CDH10: variants seen among roughly 807,000 people sequenced by gnomAD.
CDH10 encodes the protein cadherin-10.
CDH10 carries 30 observed loss-of-function variants against 73.1 expected under a neutral mutation model. The observed-to-expected ratio is 0.41, with a 90% CI of 0.31 to 0.56. The LOEUF (loss-of-function observed/expected upper bound fraction) is 0.56, where lower values mean the gene tolerates loss of function less well. Ranked by LOEUF, CDH10 falls within the 20% of genes least tolerant of loss-of-function variation. CDH10 has a pLI of 0.27. For synonymous variants in CDH10, 345 were observed against 348.2 expected (o/e 0.99, Z 0.10); for missense variants, 815 against 973.7 (o/e 0.84, Z 2.17).
At chr5:24,605,923 A>G (rs1234932483) in intron 1 of CDH10, among the ~76,000 whole-genome samples, 1 of 152,340 alleles carries the variant, frequency 6.6e-6, no homozygotes, top group Non-Finnish European at 1.5e-5. Flanking sequence ...CAATTGACAC[A>G]CGGATGAATC....
chr5:24,571,844 C>G (rs1225973214), intron 2 of CDH10, among the ~76,000 whole-genome samples: 2 of 152,004 alleles, frequency 1.3e-5, no homozygotes, highest in Non-Finnish European at 2.9e-5. Context: ...AAAACTACCC[C>G]CATGACCTCA....
At chr5:24,638,720 T>C (rs1454959180) in intron 1 of CDH10, among the ~76,000 whole-genome samples, 1 of 151,804 alleles carries the variant, frequency 6.6e-6, no homozygotes, top group African/African-American at 2.4e-5. Flanking sequence ...AGAGCAGGAC[T>C]AACCCCCAAC....
Position 24,500,142 on chromosome 5 carries a change from G to A in CDH10, c.1394-1623C>T, listed in dbSNP as rs963320860. Among the ~76,000 whole-genome samples, 8 of 151,990 alleles carry A rather than the reference G, an allele frequency of 5.3e-5. No individual in the cohort carries two copies. In the East Asian group the frequency reaches 9.7e-4, roughly 18 times the overall value. On this transcript the variant is annotated intron_variant, in intron 8 of 11. Transcript: ENST00000264463. ...ATCTAAATAATTTTCAGATACAAAG[G>A]TAAAATATATTGTCACATACAAATA...
At chr5:24,589,490 AT>A (rs34964738) in intron 2 of CDH10, among the ~76,000 whole-genome samples, 352 of 145,512 alleles carry the variant, frequency 2.4e-3, no homozygotes, top group East Asian at 7.4e-3. Flanking sequence ...TATGTTACTG[AT>A]TTTTTTTTTT....
intron 2 of CDH10, among the ~76,000 whole-genome samples, chr5:24,558,947 C>T (rs1744862602): frequency 1.3e-5 from 2 of 151,686 alleles, no homozygotes; most frequent in East Asian, 1.9e-4. Flanking sequence ...TTCAGCATTC[C>T]CCTTTCATTT....
At chr5:24,527,789 G>C (rs1295081182) in intron 5 of CDH10, among the ~76,000 whole-genome samples, 1 of 151,762 alleles carries the variant, frequency 6.6e-6, no homozygotes, top group Non-Finnish European at 1.5e-5. Flanking sequence ...AGTTACAAAA[G>C]CAAGCAAGAA....
intron 9 of CDH10, among the ~76,000 whole-genome samples, chr5:24,497,946 C>T (rs1281274358): frequency 6.6e-6 from 1 of 152,116 alleles, no homozygotes; most frequent in African/African-American, 2.4e-5. Flanking sequence ...ATTCTGCTGC[C>T]CTGATGCAAA....
At chr5:24,501,270 A>T (rs1742484393) in intron 8 of CDH10, among the ~76,000 whole-genome samples, 1 of 152,208 alleles carries the variant, frequency 6.6e-6, no homozygotes, top group Non-Finnish European at 1.5e-5. Context: ...TCCCTAACAC[A>T]ATATAGAGAT....
intron 1 of CDH10, among the ~76,000 whole-genome samples, chr5:24,632,186 G>A (rs1747724160): frequency 6.6e-6 from 1 of 151,924 alleles, no homozygotes; most frequent in South Asian, 2.1e-4. Flanking sequence ...TACTTTGGGA[G>A]GTGCTTTCAT....
chr5:24,634,315 T>C (rs976677807), intron 1 of CDH10, among the ~76,000 whole-genome samples: 45 of 151,840 alleles, frequency 3.0e-4, no homozygotes, highest in Middle Eastern at 3.2e-3. Context: ...TCTAGTATGA[T>C]TAAAGAATGT....
intron 2 of CDH10, among the ~76,000 whole-genome samples, chr5:24,540,165 T>C (rs1744097337): frequency 1.3e-5 from 2 of 151,914 alleles, no homozygotes; most frequent in Non-Finnish European, 2.9e-5. Flanking sequence ...CCCCCAGGAA[T>C]CAATTAGGAT....
At chr5:24,599,934 A>G (rs1746503990) in intron 1 of CDH10, among the ~76,000 whole-genome samples, 3 of 152,104 alleles carry the variant, frequency 2.0e-5, no homozygotes, top group South Asian at 4.1e-4. Context: ...CCCATTTTAT[A>G]AAAAAAGGAT....
chr5:24,518,237 G>A (rs1311475417), intron 5 of CDH10, among the ~76,000 whole-genome samples: 6 of 152,056 alleles, frequency 3.9e-5, no homozygotes, highest in African/African-American at 9.7e-5. Flanking sequence ...TCTCTGAAAC[G>A]TTTATTATAT....
intron 3 of CDH10, among the ~76,000 whole-genome samples, chr5:24,536,625 T>C (rs113869798): frequency 1.5e-3 from 221 of 152,160 alleles, no homozygotes; most frequent in Non-Finnish European, 2.0e-3. Context: ...TATATCTAAT[T>C]TAAAAAATTA....
chr5:24,605,252 G>A (rs150737929), intron 1 of CDH10, among the ~76,000 whole-genome samples: 4 of 152,288 alleles, frequency 2.6e-5, no homozygotes, highest in Non-Finnish European at 4.4e-5. Context: ...ATATAGTATA[G>A]GTCTATGACC....
At chr5:24,590,220 G>T (rs1746153691) in intron 2 of CDH10, among the ~76,000 whole-genome samples, 1 of 151,792 alleles carries the variant, frequency 6.6e-6, no homozygotes, top group Admixed American at 6.6e-5. Context: ...CAAAAGGAGT[G>T]GTGGCAGTGA....
intron 1 of CDH10, among the ~76,000 whole-genome samples, chr5:24,631,631 C>G (rs1440607812): frequency 6.6e-6 from 1 of 151,860 alleles, no homozygotes; most frequent in Non-Finnish European, 1.5e-5. Flanking sequence ...GTTCCCTCAT[C>G]CACATTTTCC....
chr5:24,614,825 G>A (rs1343013065), intron 1 of CDH10, among the ~76,000 whole-genome samples: 1 of 152,038 alleles, frequency 6.6e-6, no homozygotes, highest in East Asian at 1.9e-4. Context: ...TCTTCATTTT[G>A]CCATCTAATT....
At chr5:24,579,615 A>T (rs1182187285) in intron 2 of CDH10, among the ~76,000 whole-genome samples, 1 of 152,158 alleles carries the variant, frequency 6.6e-6, no homozygotes, top group East Asian at 1.9e-4. Flanking sequence ...TTAACAGTCA[A>T]TTCAAACCTC....
Sources: gnomAD v4.1 joint callset for allele counts (sites outside exome capture counted in the v4.1 genomes callset) on GRCh38, gnomAD v4.1.1 for gene constraint, MANE v1.5 for transcripts, NCBI Gene and HGNC (gene_info 2026-07-23, HGNC 2026-07-21) for gene names.